EYS: variants seen among roughly 807,000 people sequenced by gnomAD.
EYS encodes the protein protein eyes shut homolog.
In EYS, 250 loss-of-function variants were observed where a neutral mutation model predicts 282.1. The ratio of observed to expected loss-of-function variants is 0.89; its 90% confidence interval spans 0.80 to 0.98. The LOEUF (loss-of-function observed/expected upper bound fraction) is 0.98. EYS is among the 50% of genes least tolerant of loss of function. EYS has a pLI of 0.00. For missense variants in EYS, 4,016 were observed against 3,709.0 expected (o/e 1.08, Z -2.15); for synonymous variants, 1,355 against 1,282.9 (o/e 1.06, Z -1.20).
chr6:65,670,036 C>A (rs550368246), intron 1 of EYS, among the ~76,000 whole-genome samples: 1 of 152,052 alleles, frequency 6.6e-6, no homozygotes, highest in East Asian at 1.9e-4. Context: ...AACATGTAAC[C>A]CATATGCTAC....
At position 64,841,449 on chromosome 6, in the gene EYS, C is replaced by A. The variant is rs142900211; in HGVS notation, c.2993-18627G>T. ...GATTAGATCTGTGTTATTTATATTT[C>A]TACCATCTTCTTGTGAATATCTCAG... On this transcript the variant is annotated intron_variant, in intron 19 of 42. Transcript: ENST00000503581. 1.8e-4 allele frequency among the ~76,000 whole-genome samples: 27 copies of A among 152,182 alleles called. No homozygotes were observed. The Middle Eastern group carries it at 0.01, about 58-fold the overall frequency.
At chr6:65,047,537 A>G (rs1437617637) in intron 13 of EYS, among the ~76,000 whole-genome samples, 1 of 151,908 alleles carries the variant, frequency 6.6e-6, no homozygotes, top group Non-Finnish European at 1.5e-5. Flanking sequence ...TATATTTAAG[A>G]TGACATTTAA....
chr6:63,969,151 C>A (rs1354809807), intron 35 of EYS, among the ~76,000 whole-genome samples: 1 of 152,120 alleles, frequency 6.6e-6, no homozygotes, highest in Non-Finnish European at 1.5e-5. Context: ...CTCATCCCCC[C>A]CTTAAGCTTC....
chr6:65,162,911 T>G (rs375168615), intron 12 of EYS, among the ~76,000 whole-genome samples: 2 of 147,288 alleles, frequency 1.4e-5, no homozygotes, highest in Admixed American at 6.8e-5. Flanking sequence ...CCTGTTCTGT[T>G]TGTGTGTGTG....
At chr6:64,474,459 T>C (rs1340500185) in intron 26 of EYS, among the ~76,000 whole-genome samples, 2 of 152,320 alleles carry the variant, frequency 1.3e-5, no homozygotes, top group Middle Eastern at 3.4e-3. Context: ...CTTAGAATTA[T>C]AGAATGAATA....
At chr6:65,528,179 A>G (rs1767639332) in intron 2 of EYS, among the ~76,000 whole-genome samples, 1 of 152,210 alleles carries the variant, frequency 6.6e-6, no homozygotes, top group Non-Finnish European at 1.5e-5. Context: ...TTTATATTTC[A>G]AAATGTCCAT....
At chr6:64,409,847 T>C (rs1039396898) in intron 28 of EYS, among the ~76,000 whole-genome samples, 9 of 152,138 alleles carry the variant, frequency 5.9e-5, no homozygotes, top group South Asian at 4.1e-4. Flanking sequence ...TAAATCTAAA[T>C]TTTTTTAAAG....
At chr6:64,462,780 G>T (rs1775789712) in intron 26 of EYS, among the ~76,000 whole-genome samples, 1 of 151,696 alleles carries the variant, frequency 6.6e-6, no homozygotes, top group Non-Finnish European at 1.5e-5. Flanking sequence ...ATTATTTGCG[G>T]GATTTCAGGA....
chr6:63,742,463 T>C (rs567667283), intron 41 of EYS, among the ~76,000 whole-genome samples: 1 of 152,282 alleles, frequency 6.6e-6, no homozygotes, highest in East Asian at 1.9e-4. Context: ...CAATGTCAGC[T>C]CAGCAGAAAT....
chr6:63,953,968 TAC>T (rs1765707516), intron 35 of EYS, among the ~76,000 whole-genome samples: 2 of 152,206 alleles, frequency 1.3e-5, no homozygotes, highest in South Asian at 4.1e-4. Flanking sequence ...ACTGACTCTC[TAC>T]AGTTTTCATA....
At chr6:64,384,525 A>C (rs1023316720) in intron 29 of EYS, among the ~76,000 whole-genome samples, 15 of 152,236 alleles carry the variant, frequency 9.9e-5, no homozygotes, top group Non-Finnish European at 2.1e-4. Context: ...GATTAACAAT[A>C]TTTATTTATT....
At chr6:63,775,985 A>G (rs1770054986) in intron 40 of EYS, among the ~76,000 whole-genome samples, 1 of 152,184 alleles carries the variant, frequency 6.6e-6, no homozygotes, top group Non-Finnish European at 1.5e-5. Context: ...TATGTCAATA[A>G]GAGGATCCCC....
At chr6:63,992,707 A>G (rs1767657126) in intron 34 of EYS, among the ~76,000 whole-genome samples, 1 of 151,860 alleles carries the variant, frequency 6.6e-6, no homozygotes, top group Non-Finnish European at 1.5e-5. Context: ...GAAAGCAAGA[A>G]AGGAAATGAG....
chr6:63,805,437 T>C (rs910008736), intron 37 of EYS, among the ~76,000 whole-genome samples: 18 of 152,216 alleles, frequency 1.2e-4, no homozygotes, highest in Admixed American at 1.1e-3. Context: ...ATTTCCATTT[T>C]ATAACACATG....
intron 35 of EYS, among the ~76,000 whole-genome samples, chr6:63,976,203 A>G (rs565399349): frequency 6.6e-6 from 1 of 152,178 alleles, no homozygotes; most frequent in East Asian, 1.9e-4. Context: ...CCAAATGTAA[A>G]GGGCTAAAAT....
rs2150200889 is a variant in EYS at position 65,128,542 on chromosome 6, C to T, written c.2024-70815G>A. On this transcript the variant is annotated intron_variant, in intron 12 of 42. Transcript: ENST00000503581. The stretch of plus-strand genomic sequence containing the variant: ...TTTCCATACACAAATAAAGTTTAAG[C>T]TGAGTCAAATCAAGAATGCAATTCT... Among the ~76,000 whole-genome samples, 2 of 152,022 alleles carry T rather than the reference C, an allele frequency of 1.3e-5. 1 individual carries two copies. Among genetic ancestry groups the T allele is most frequent in the South Asian group, 4.1e-4 (2 of 4,822 alleles).
intron 26 of EYS, among the ~76,000 whole-genome samples, chr6:64,493,186 T>C (rs1158972383): frequency 6.6e-6 from 1 of 151,390 alleles, no homozygotes; most frequent in Admixed American, 6.6e-5. Flanking sequence ...TATTATCTAA[T>C]AATAAACAGC....
intron 30 of EYS, among the ~76,000 whole-genome samples, chr6:64,236,767 T>A (rs1766618714): frequency 1.3e-5 from 2 of 151,006 alleles, no homozygotes; most frequent in Non-Finnish European, 3.0e-5. Flanking sequence ...TTTAATTTTT[T>A]AATTTTTTAT....
chr6:64,690,685 T>C (rs1213004725), intron 22 of EYS, among the ~76,000 whole-genome samples: 1 of 152,180 alleles, frequency 6.6e-6, no homozygotes, highest in Admixed American at 6.5e-5. Flanking sequence ...TGTAGGGACA[T>C]GGATGTAGCT....
Sources: allele counts gnomAD v4.1 joint callset (sites outside exome capture counted in the v4.1 genomes callset), GRCh38; gene constraint gnomAD v4.1.1; transcripts MANE v1.5; gene names NCBI Gene and HGNC (gene_info 2026-07-23, HGNC 2026-07-21).